The following ABCA6 variants were observed in gnomAD, a reference collection of about 807,000 sequenced individuals.
ABCA6 encodes ATP-binding cassette sub-family A member 6.
ABCA6 carries 164 observed loss-of-function variants against 191.2 expected under a neutral mutation model. The ratio of observed to expected loss-of-function variants is 0.86; its 90% CI spans 0.76 to 0.98. The LOEUF is 0.98. ABCA6 is among the 50% of genes least tolerant of loss of function. ABCA6 has a pLI of 0.00. For synonymous variants in ABCA6, 636 were observed against 647.7 expected, an observed-to-expected ratio of 0.98 and a Z score of 0.27; for missense variants, 1,958 against 1,894.1, an observed-to-expected ratio of 1.03 and a Z score of -0.63.
At chr17:69,099,347 G>T (rs1244159446) in intron 22 of ABCA6, among the ~76,000 whole-genome samples, 1 of 152,140 alleles carries the variant, frequency 6.6e-6, no homozygotes, top group Non-Finnish European at 1.5e-5. Context: ...AGGGAGGAAA[G>T]GTGTGTGCCA....
At position 69,122,111 on chromosome 17, in the gene ABCA6, C is replaced by T. The variant is rs571999655; in HGVS notation, c.1436+1128G>A. Among the ~76,000 whole-genome samples the T allele has an allele frequency of 3.3e-5, 5 of 152,174 alleles. No homozygotes were observed. The East Asian group carries it at 9.7e-4, about 29-fold the overall frequency. ...AGCATAGACTGTAGAGCCAGACTAT[C>T]TGGATTACAATTCCAGTTCCCCACT... On this transcript the variant is annotated intron_variant, in intron 10 of 38. Coordinates refer to ENST00000284425, the MANE Select transcript of ABCA6 (RefSeq NM_080284.3).
At chr17:69,131,719 T>C (rs1403026761) in intron 6 of ABCA6, among the ~76,000 whole-genome samples, 4 of 152,370 alleles carry the variant, frequency 2.6e-5, no homozygotes, top group Admixed American at 2.6e-4. Context: ...TCTTTTTTCT[T>C]CTTAGTTTTA....
chr17:69,094,901 A>T (rs907749103), intron 25 of ABCA6: 8 of 152,442 alleles, frequency 5.2e-5, no homozygotes, highest in African/African-American at 1.9e-4. Flanking sequence ...AAAAGCATCT[A>T]TGAGGGGCAC....
At chr17:69,125,606 A>G (rs2073736416) in intron 8 of ABCA6, among the ~76,000 whole-genome samples, 1 of 152,144 alleles carries the variant, frequency 6.6e-6, no homozygotes, top group African/African-American at 2.4e-5. Context: ...TGATAAAACT[A>G]AGGCACAGCG....
At chr17:69,126,663 A>C (rs2073760914) in intron 8 of ABCA6, among the ~76,000 whole-genome samples, 1 of 152,150 alleles carries the variant, frequency 6.6e-6, no homozygotes, top group South Asian at 2.1e-4. Flanking sequence ...AAAATAAAAA[A>C]AGATAATTAT....
At chr17:69,111,470 G>C (rs1163270482) in intron 16 of ABCA6, 1 of 152,532 alleles carries the variant, frequency 6.6e-6, no homozygotes, top group Admixed American at 6.6e-5. Flanking sequence ...GGAGGTAACT[G>C]AATCATAGGC....
intron 18 of ABCA6, among the ~76,000 whole-genome samples, chr17:69,106,593 G>GAAAAA (rs57384424): frequency 2.0e-5 from 2 of 102,122 alleles, no homozygotes; most frequent in African/African-American, 3.9e-5. Flanking sequence ...ACTCCATCTC[G>GAAAAA]AAAAAAAAAA....
At chr17:69,133,061 C>T (rs2073893231) in intron 6 of ABCA6, among the ~76,000 whole-genome samples, 1 of 152,166 alleles carries the variant, frequency 6.6e-6, no homozygotes, top group African/African-American at 2.4e-5. Context: ...AGCAAATGCC[C>T]TTGCTAAGGT....
chr17:69,141,628 G>A (rs1385780782), intron 1 of ABCA6, 117 bp downstream of exon 1: 1 of 151,988 alleles, frequency 6.6e-6, no homozygotes, highest in Middle Eastern at 3.2e-3. Context: ...GAAAAATTTA[G>A]TCTTAGGTCT....
intron 2 of ABCA6, among the ~76,000 whole-genome samples, chr17:69,139,262 C>G (rs535732707): frequency 6.2e-4 from 94 of 152,176 alleles, no homozygotes; most frequent in Non-Finnish European, 7.1e-4. Context: ...AAAAAACAAA[C>G]AGCCCCATCA....
At chr17:69,103,849 A>G (rs2073233224) in intron 20 of ABCA6, 1 of 151,734 alleles carries the variant, frequency 6.6e-6, no homozygotes. Flanking sequence ...CAGCTGGGCA[A>G]ACCTGAAGTA....
At position 69,102,833 on chromosome 17, in the gene ABCA6, AC is replaced by A. The variant is rs1174877336; in HGVS notation, c.2874+1del. 6.3e-7 allele frequency: 1 copy of A among 1,576,342 alleles called. No individual in the cohort carries two copies. The highest frequency in any genetic ancestry group is 8.6e-7 in the Non-Finnish European group (1 of 1,168,932). ...TTCATAAAAGCAAAAAGGCAAACATACCTTTTGTTTACCAGAAACTATGATA... is the reference window on the plus strand; with the variant it reads ...TTCATAAAAGCAAAAAGGCAAACATACTTTTGTTTACCAGAAACTATGATA... On this transcript the variant is annotated splice_donor_variant, in intron 21 of 38. Coordinates refer to ENST00000284425, the MANE Select transcript of ABCA6 (RefSeq NM_080284.3). LOFTEE classifies it high-confidence loss of function.
intron 13 of ABCA6, among the ~76,000 whole-genome samples, chr17:69,114,227 G>A (rs991863907): frequency 3.3e-5 from 5 of 152,058 alleles, no homozygotes; most frequent in African/African-American, 7.2e-5. Context: ...GGAATACTAT[G>A]CAGCCCATAA....
At chr17:69,091,373 G>A (rs2072918125) in intron 25 of ABCA6, 111 bp from the exon 26 acceptor site, 2 of 1,166,444 alleles carry the variant, frequency 1.7e-6, no homozygotes, top group East Asian at 4.9e-5. Context: ...GTTCCCATAT[G>A]CAGATATACC....
chr17:69,138,766 G>T (rs1325791391), intron 2 of ABCA6, among the ~76,000 whole-genome samples: 3 of 149,408 alleles, frequency 2.0e-5, no homozygotes, highest in Non-Finnish European at 4.5e-5. Flanking sequence ...CAATGGAACA[G>T]AACAGAGCCC....
In ABCA6 at chr17:69,128,947, G is replaced by A. The variant is rs1598056236; in HGVS notation, c.934-143C>T. On this transcript the variant is annotated intron_variant, in intron 7 of 38. Transcript: ENST00000284425. ...AGTGGTGAAAATATTAAGGTATAAT[G>A]AGTCTGTTCTTTCCTCAACTTCTCT... The A allele has an allele frequency of 1.7e-5, 10 of 605,708 alleles. No individual in the cohort carries two copies. In the East Asian group the frequency reaches 3.1e-4, roughly 19 times the overall value. 37.5% of individuals were successfully genotyped at this position (605,708 alleles called of 1,614,324 possible).
intron 6 of ABCA6, among the ~76,000 whole-genome samples, chr17:69,132,629 G>A (rs1370637847): frequency 6.6e-6 from 1 of 152,120 alleles, no homozygotes; most frequent in South Asian, 2.1e-4. Context: ...ACAGGCACGC[G>A]CCACCACACC....
intron 3 of ABCA6, 23 bp downstream of exon 3, chr17:69,137,271 CTT>C (rs755584735): frequency 6.2e-7 from 1 of 1,601,694 alleles, no homozygotes; most frequent in Non-Finnish European, 8.5e-7. Context: ...ATCAGTAACT[CTT>C]TTTTTGCCAT....
At position 69,123,402 on chromosome 17, in the gene ABCA6, C is replaced by A; in HGVS notation, c.1273G>T (p.Asp425Tyr). 6.8e-7 allele frequency: 1 copy of A among 1,477,246 alleles called. No homozygotes were observed. The highest frequency in any genetic ancestry group is 1.5e-5 in the South Asian group (1 of 67,394). 91.5% of individuals were successfully genotyped at this position (1,477,246 alleles called of 1,614,324 possible). Residue 425 changes from aspartate to tyrosine, a missense_variant, in exon 10 of 39, where the codon GAT becomes TAT. By Grantham distance (160) the Asp-to-Tyr change is radical. Transcript: ENST00000284425. The part of the protein sequence containing the change: ...LYFDKILPYG[D>Y]ERHYSPLFFL... ...AATAAAGGAGAATAATGGCGCTCAT[C>A]TCCATCTAATTAACCAAGAGGCAAC...
Sources: allele counts gnomAD v4.1 joint callset (sites outside exome capture counted in the v4.1 genomes callset), GRCh38; gene constraint gnomAD v4.1.1; transcripts MANE v1.5; gene names NCBI Gene and HGNC (gene_info 2026-07-23, HGNC 2026-07-21).